Variants in NFIB observed in about 807,000 individuals in gnomAD.
NFIB encodes nuclear factor I B.
Under a neutral mutation model 61.5 loss-of-function variants are expected in NFIB, and 11 were observed. That is an observed-to-expected ratio of 0.18 (90% confidence interval 0.11 to 0.30). The LOEUF is 0.30. Ranked by LOEUF, NFIB falls within the 10% of genes least tolerant of loss-of-function variation. The probability of loss-of-function intolerance (pLI) is 1.00; values close to 1 mark genes in which losing one functional copy is unlikely to be tolerated. For synonymous variants in NFIB, 260 were observed against 216.5 expected, an observed-to-expected ratio of 1.20 and a Z score of -1.76; for missense variants, 471 against 608.9, an observed-to-expected ratio of 0.77 and a Z score of 2.38.
At chr9:14,488,306 T>A in the NFIB span, among the ~76,000 whole-genome samples, 2 of 150,910 alleles carry the variant, frequency 1.3e-5, no homozygotes, top group East Asian at 2.0e-4. Context: ...AAGGCTTCGG[T>A]GAGCCATGAT....
intron 7 of NFIB, among the ~76,000 whole-genome samples, chr9:14,123,425 A>C (rs568605270): frequency 6.6e-6 from 1 of 152,160 alleles, no homozygotes; most frequent in African/African-American, 2.4e-5. Context: ...CATCCTTTAT[A>C]GTGCTATGTG....
In NFIB at chr9:14,086,776, TTTTG is replaced by T. The variant is rs1324763957; in HGVS notation, c.*1529_*1532del. 2.4e-5 allele frequency: 5 copies of T among 210,852 alleles called. No individual in the cohort carries two copies. The highest frequency in any genetic ancestry group is 2.9e-5 in the Non-Finnish European group (3 of 103,856). The allele number at this position is 210,852 out of a possible 1,614,324, so 13.1% of individuals were successfully genotyped here. On this transcript the variant is annotated 3_prime_UTR_variant, in exon 11 of 11. Coordinates refer to ENST00000380953, the MANE Select transcript of NFIB (RefSeq NM_001190737.2). ...GTAGTGATGTCACTTTGTTGTATTT[TTTTG>T]TTTTTTTTTTTTTGTTTTTTGTTTT...
chr9:14,136,432 T>G (rs571232306), intron 6 of NFIB, among the ~76,000 whole-genome samples: 79 of 152,252 alleles, frequency 5.2e-4, no homozygotes, highest in African/African-American at 1.9e-3. Context: ...CTGAGAGCCA[T>G]GGGCTATAAA....
chr9:14,105,800 G>A lies in NFIB; in HGVS notation c.1467+7199C>T, dbSNP rs116411431. Among the ~76,000 whole-genome samples, 819 of 152,046 alleles carry A rather than the reference G, an allele frequency of 5.4e-3. 9 individuals carry two copies. The highest frequency in any genetic ancestry group is 0.017 in the African/African-American group (716 of 41,484). On this transcript the variant is annotated intron_variant, in intron 10 of 10. Transcript: ENST00000380953. Reference sequence around the variant, plus strand: ...TACATGTATTTAAGCTTCTTTTGGGGTCATGTTACATATTCTTGCCTTTAG... The same window carrying A: ...TACATGTATTTAAGCTTCTTTTGGGATCATGTTACATATTCTTGCCTTTAG...
chr9:14,280,225 T>C (rs2058277767), intron 2 of NFIB, among the ~76,000 whole-genome samples: 1 of 152,168 alleles, frequency 6.6e-6, no homozygotes, highest in South Asian at 2.1e-4. Flanking sequence ...CAAAGGCTGA[T>C]TCCACCACTT....
chr9:14,483,295 C>T, the NFIB span, among the ~76,000 whole-genome samples: 1 of 152,172 alleles, frequency 6.6e-6, no homozygotes, highest in African/African-American at 2.4e-5. Flanking sequence ...ATTGTTACCA[C>T]ATCACATATT....
At chr9:14,105,902 T>C (rs957771441) in intron 10 of NFIB, among the ~76,000 whole-genome samples, 1 of 152,106 alleles carries the variant, frequency 6.6e-6, no homozygotes, top group Non-Finnish European at 1.5e-5. Context: ...TGATAATCTT[T>C]TTTGAGTTTG....
chr9:14,259,155 A>T (rs1264263080), intron 2 of NFIB, among the ~76,000 whole-genome samples: 1 of 152,262 alleles, frequency 6.6e-6, no homozygotes, highest in African/African-American at 2.4e-5. Context: ...ATTCATTGTT[A>T]CATACAAAGC....
At chr9:14,121,889 T>G (rs954082018) in intron 7 of NFIB, among the ~76,000 whole-genome samples, 7 of 152,164 alleles carry the variant, frequency 4.6e-5, no homozygotes, top group African/African-American at 1.7e-4. Context: ...ATATAAATCT[T>G]AAGTTTGAAA....
intron 2 of NFIB, among the ~76,000 whole-genome samples, chr9:14,237,811 TGTGTA>T (rs2132006636): frequency 9.5e-6 from 1 of 105,452 alleles, no homozygotes; most frequent in Non-Finnish European, 2.1e-5. Flanking sequence ...TGTGTGTGTG[TGTGTA>T]AGCTCCTCAC....
intron 2 of NFIB, among the ~76,000 whole-genome samples, chr9:14,262,700 G>T (rs1322990): frequency 0.79 from 120,889 of 152,130 alleles, 48,839 homozygotes; most frequent in Middle Eastern, 0.9. Flanking sequence ...TAACTTACTA[G>T]AGACAGAACC....
upstream of NFIB, among the ~76,000 whole-genome samples, chr9:14,318,112 A>T (rs1218110671): frequency 6.6e-6 from 1 of 152,196 alleles, no homozygotes; most frequent in East Asian, 1.9e-4. Context: ...AGGCAGAAAG[A>T]AGTGAATGAT....
intron 1 of NFIB, among the ~76,000 whole-genome samples, chr9:14,373,641 AGT>A (rs56764067): frequency 0.077 from 10,967 of 142,920 alleles, 681 homozygotes; most frequent in African/African-American, 0.18. Context: ...TGTCCACATG[AGT>A]GTGTGTGTGT....
chr9:14,424,788 AC>A, the NFIB span, among the ~76,000 whole-genome samples: 2 of 152,144 alleles, frequency 1.3e-5, no homozygotes, highest in Non-Finnish European at 2.9e-5. Flanking sequence ...GATTTTTAAA[AC>A]TTTCTTTAGC....
At chr9:14,392,796 A>T (rs955471636) in intron 1 of NFIB, among the ~76,000 whole-genome samples, 1 of 152,218 alleles carries the variant, frequency 6.6e-6, no homozygotes, top group Non-Finnish European at 1.5e-5. Flanking sequence ...CCAAACTTAA[A>T]GCGTTTAGCA....
chr9:14,190,718 A>G (rs2131550644), intron 2 of NFIB, among the ~76,000 whole-genome samples: 1 of 152,334 alleles, frequency 6.6e-6, no homozygotes, highest in African/African-American at 2.4e-5. Context: ...AAATAAAAAC[A>G]AAAAAATAGC....
upstream of NFIB, among the ~76,000 whole-genome samples, chr9:14,400,369 C>T (rs914449070): frequency 6.6e-6 from 1 of 152,122 alleles, no homozygotes. Flanking sequence ...AGGGATATAT[C>T]CAAGGCTGAC....
chr9:14,322,680 G>A (rs1038965616), intron 1 of NFIB, among the ~76,000 whole-genome samples: 2 of 152,102 alleles, frequency 1.3e-5, no homozygotes, highest in African/African-American at 4.8e-5. Flanking sequence ...AGCCGGGGGC[G>A]GGCGCGCCGC....
At chr9:14,335,037 A>G (rs186570977) in intron 1 of NFIB, among the ~76,000 whole-genome samples, 1 of 152,204 alleles carries the variant, frequency 6.6e-6, no homozygotes, top group Non-Finnish European at 1.5e-5. Context: ...ATTACTCATT[A>G]GTACTCCATT....
Sources: allele counts gnomAD v4.1 joint callset (sites outside exome capture counted in the v4.1 genomes callset), GRCh38; gene constraint gnomAD v4.1.1; transcripts MANE v1.5; gene names NCBI Gene and HGNC (gene_info 2026-07-23, HGNC 2026-07-21).